The following CSMD2 variants were observed in gnomAD, a reference collection of about 807,000 sequenced individuals.
The protein encoded by CSMD2 is CUB and Sushi multiple domains 2, also known as CUB and sushi domain-containing protein 2.
CSMD2 carries 130 observed loss-of-function variants against 398.5 expected under a neutral mutation model. That is an observed-to-expected ratio of 0.33 (90% CI 0.28 to 0.38). The LOEUF (loss-of-function observed/expected upper bound fraction) is 0.38, where lower values mean the gene tolerates loss of function less well. Ranked by LOEUF, CSMD2 falls within the 10% of genes least tolerant of loss-of-function variation. The pLI is 1.00. For synonymous variants in CSMD2, 1,828 were observed against 1,908.5 expected, an observed-to-expected ratio of 0.96 and a Z score of 1.10; for missense variants, 3,829 against 4,764.9, an observed-to-expected ratio of 0.80 and a Z score of 5.78.
At chr1:34,135,790 T>TCTACATATAG (rs1638690498) in intron 1 of CSMD2, among the ~76,000 whole-genome samples, 1 of 151,878 alleles carries the variant, frequency 6.6e-6, no homozygotes, top group African/African-American at 2.4e-5. Context: ...GTATATGATA[T>TCTACATATAG]ATCTACAATG....
chr1:33,874,276 T>C (rs1458996376), intron 5 of CSMD2, among the ~76,000 whole-genome samples: 1 of 152,250 alleles, frequency 6.6e-6, no homozygotes, highest in African/African-American at 2.4e-5. Flanking sequence ...TGGGCTTGTG[T>C]TAGATGATTT....
chr1:33,714,576 T>C lies in CSMD2; in HGVS notation c.3406+11A>G. On this transcript the variant is annotated intron_variant, in intron 21 of 70. Coordinates refer to ENST00000373381, the MANE Select transcript of CSMD2 (RefSeq NM_001281956.2). Reference sequence around the variant, plus strand: ...ATTAGTGAAGCAAAATGAAAGCACGTGACCACCTACCAACACACCTTGGCA... The same window carrying C: ...ATTAGTGAAGCAAAATGAAAGCACGCGACCACCTACCAACACACCTTGGCA... The C allele has an allele frequency of 1.9e-6, 3 of 1,612,574 alleles. No homozygotes were observed. The highest frequency in any genetic ancestry group is 2.5e-6 in the Non-Finnish European group (3 of 1,179,138).
intron 26 of CSMD2, among the ~76,000 whole-genome samples, chr1:33,660,963 C>T (rs779744603): frequency 4.6e-5 from 7 of 152,016 alleles, no homozygotes; most frequent in Non-Finnish European, 1.0e-4. Flanking sequence ...GCCAGGGTGC[C>T]GTGGGCTATA....
chr1:33,773,248 C>T (rs1372153240), intron 12 of CSMD2, among the ~76,000 whole-genome samples: 1 of 152,218 alleles, frequency 6.6e-6, no homozygotes, highest in Admixed American at 6.5e-5. Flanking sequence ...GTCAAGATGA[C>T]ACAGCAGTTG....
intron 5 of CSMD2, among the ~76,000 whole-genome samples, chr1:33,893,472 G>C (rs1642186508): frequency 6.6e-6 from 1 of 152,226 alleles, no homozygotes; most frequent in African/African-American, 2.4e-5. Flanking sequence ...AGAGAAGAAT[G>C]TATCTGAACT....
rs566016033 is a variant in CSMD2, at chr1:33,911,587, A to G, written c.920+6507T>C. 3.3e-5 allele frequency among the ~76,000 whole-genome samples: 5 copies of G among 152,364 alleles called. No individual in the cohort carries two copies. In the South Asian group the frequency reaches 1.0e-3, roughly 32 times the overall value. ...GGGAATGAAGTGAAGCAAATCCGTC[A>G]AAGCTCTAAGGACATGAAAAGGAGG... On this transcript the variant is annotated intron_variant, in intron 5 of 70. Coordinates refer to ENST00000373381, the MANE Select transcript of CSMD2 (RefSeq NM_001281956.2).
chr1:33,998,536 G>C lies in CSMD2; in HGVS notation c.517+34058C>G, dbSNP rs1263332702. Among the ~76,000 whole-genome samples the C allele has an allele frequency of 2.0e-5, 3 of 152,148 alleles. No homozygotes were observed. In the East Asian group the frequency reaches 5.8e-4, roughly 29 times the overall value. ...CTGTCTGCCCAGCTTCGTTAACTTT[G>C]CTGCTTTTCTCACGCAACGCTGCTC... On this transcript the variant is annotated intron_variant, in intron 3 of 70. Coordinates refer to ENST00000373381, the MANE Select transcript of CSMD2 (RefSeq NM_001281956.2).
chr1:33,793,388 A>T (rs1287510179), intron 10 of CSMD2, among the ~76,000 whole-genome samples: 1 of 152,132 alleles, frequency 6.6e-6, no homozygotes, highest in Non-Finnish European at 1.5e-5. Context: ...TATGGCAGAG[A>T]TGGAACATTC....
At position 33,726,532 on chromosome 1, in the gene CSMD2, T is replaced by A. The variant is rs1379680648; in HGVS notation, c.2507+15A>T. The A allele has an allele frequency of 1.2e-6, 2 of 1,602,802 alleles. No homozygotes were observed. The highest frequency in any genetic ancestry group is 3.4e-5 in the Admixed American group (2 of 59,364). ...TCCCCCTTGCCCTCTCCCCCAAGGC[T>A]GTGGTCACAAGCACCTGTCGAAGGT... On this transcript the variant is annotated intron_variant, in intron 16 of 70. Coordinates refer to ENST00000373381, the MANE Select transcript of CSMD2 (RefSeq NM_001281956.2).
intron 3 of CSMD2, among the ~76,000 whole-genome samples, chr1:34,030,415 T>A (rs554119342): frequency 1.3e-5 from 2 of 152,344 alleles, no homozygotes; most frequent in Admixed American, 1.3e-4. Flanking sequence ...CGAATGGGCA[T>A]GGCTGTGTTC....
chr1:34,098,610 G>A (rs1659640547), intron 1 of CSMD2, among the ~76,000 whole-genome samples: 1 of 151,898 alleles, frequency 6.6e-6, no homozygotes, highest in South Asian at 2.1e-4. Flanking sequence ...AAATGGTATT[G>A]CATGAATATC....
chr1:34,102,187 C>T (rs911706135), intron 1 of CSMD2, among the ~76,000 whole-genome samples: 5 of 152,080 alleles, frequency 3.3e-5, no homozygotes, highest in East Asian at 1.9e-4. Context: ...CCCGCCACCA[C>T]GCCCGGCTAA....
At chr1:33,834,370 C>T (rs1436235618) in intron 6 of CSMD2, among the ~76,000 whole-genome samples, 62 of 86,398 alleles carry the variant, frequency 7.2e-4, no homozygotes, top group Middle Eastern at 0.012. Flanking sequence ...ATCTGATCTT[C>T]GACAAACCTG....
chr1:33,532,635 A>G (rs72887292), intron 64 of CSMD2, among the ~76,000 whole-genome samples: 4,668 of 152,280 alleles, frequency 0.031, 222 homozygotes, highest in African/African-American at 0.1. Context: ...ATGGGGCCAC[A>G]TGAACTCTCA....
intron 12 of CSMD2, among the ~76,000 whole-genome samples, chr1:33,787,217 T>C (rs1177040731): frequency 6.6e-6 from 1 of 152,232 alleles, no homozygotes; most frequent in Non-Finnish European, 1.5e-5. Context: ...CTGCTGAGCC[T>C]TGGCGTCAGA....
intron 2 of CSMD2, among the ~76,000 whole-genome samples, chr1:34,079,318 A>C (rs1420884390): frequency 6.6e-6 from 1 of 152,174 alleles, no homozygotes; most frequent in Non-Finnish European, 1.5e-5. Flanking sequence ...AAGAATTAAA[A>C]CTTTTATTCA....
At chr1:33,545,801 A>G (rs1323623009) in intron 57 of CSMD2, among the ~76,000 whole-genome samples, 1 of 152,222 alleles carries the variant, frequency 6.6e-6, no homozygotes, top group East Asian at 1.9e-4. Context: ...ATAGTGGGTC[A>G]AATTCAGTCT....
intron 3 of CSMD2, among the ~76,000 whole-genome samples, chr1:34,028,197 T>G (rs958008805): frequency 5.3e-5 from 8 of 152,024 alleles, no homozygotes; most frequent in African/African-American, 1.7e-4. Context: ...GGCGCGTGTC[T>G]GCGGTCCCAG....
chr1:34,084,576 A>G (rs902642169), intron 2 of CSMD2, among the ~76,000 whole-genome samples: 2 of 152,206 alleles, frequency 1.3e-5, no homozygotes, highest in African/African-American at 4.8e-5. Context: ...GAAGGACATG[A>G]ACAGACACTT....
Sources: allele counts gnomAD v4.1 joint callset (sites outside exome capture counted in the v4.1 genomes callset), GRCh38; gene constraint gnomAD v4.1.1; transcripts MANE v1.5; gene names NCBI Gene and HGNC (gene_info 2026-07-23, HGNC 2026-07-21).